NLGN4X: variants seen among roughly 807,000 people sequenced by gnomAD.
NLGN4X encodes the protein neuroligin-4, X-linked.
In NLGN4X, 3 loss-of-function variants were observed where a neutral mutation model predicts 40.3. The ratio of observed to expected loss-of-function variants is 0.07; its 90% confidence interval spans 0.03 to 0.19. The LOEUF (loss-of-function observed/expected upper bound fraction) is 0.19. Among genes scored for constraint, NLGN4X ranks in the 10% least tolerant of loss-of-function variants. The probability of loss-of-function intolerance (pLI) is 1.00; values close to 1 mark genes in which losing one functional copy is unlikely to be tolerated. For missense variants in NLGN4X, 382 were observed against 708.3 expected (o/e 0.54, Z 5.23); for synonymous variants, 270 against 306.8 (o/e 0.88, Z 1.25).
At chrX:5,968,095 G>A (rs752354429) in intron 3 of NLGN4X, among the ~76,000 whole-genome samples, 10 of 111,053 alleles carry the variant, frequency 9.0e-5, no homozygotes, top group African/African-American at 2.3e-4. Context: ...CAAGCTAAGC[G>A]GCTGATCAAT....
intron 2 of NLGN4X, among the ~76,000 whole-genome samples, chrX:6,062,257 T>C (rs1383136794): frequency 9.0e-6 from 1 of 111,299 alleles, no homozygotes; most frequent in African/African-American, 3.3e-5. Context: ...TCCACATCCA[T>C]ATAACTAGCA....
At position 6,070,697 on chromosome X, in the gene NLGN4X, A is replaced by G. The variant is rs1421025069; in HGVS notation, c.473-41265T>C. On this transcript the variant is annotated intron_variant, in intron 2 of 5. Transcript: ENST00000381095. The stretch of plus-strand genomic sequence containing the variant: ...AATACCCGAGACTGGGTAATTTAAG[A>G]AGGAAAGAGGTTTAATTGACCTCCG... Among the ~76,000 whole-genome samples the G allele has an allele frequency of 2.7e-5, 3 of 112,437 alleles. No individual in the cohort carries two copies. The East Asian group carries it at 8.4e-4, about 31-fold the overall frequency.
chrX:6,121,989 A>G (rs2147581511), intron 2 of NLGN4X, among the ~76,000 whole-genome samples: 1 of 112,816 alleles, frequency 8.9e-6, no homozygotes, highest in South Asian at 3.6e-4. Flanking sequence ...TATGGCAATG[A>G]AAAGAATCAG....
At chrX:6,068,499 G>A (rs1010615735) in intron 2 of NLGN4X, among the ~76,000 whole-genome samples, 10 of 111,732 alleles carry the variant, frequency 8.9e-5, no homozygotes, top group African/African-American at 3.3e-4. Flanking sequence ...GGCATGGGAG[G>A]AGGAGATAGG....
intron 3 of NLGN4X, among the ~76,000 whole-genome samples, chrX:5,934,538 A>G (rs939195395): frequency 2.7e-5 from 3 of 111,466 alleles, no homozygotes; most frequent in African/African-American, 6.5e-5. Context: ...TTAAAAATCT[A>G]TATGTTGTGA....
At chrX:6,212,924 T>C (rs984285842) in intron 1 of NLGN4X, among the ~76,000 whole-genome samples, 5 of 111,827 alleles carry the variant, frequency 4.5e-5, no homozygotes, top group Non-Finnish European at 9.4e-5. Context: ...ATATAAATGA[T>C]TGATTAAGTA....
chrX:6,145,792 C>T (rs1373794984), intron 2 of NLGN4X, among the ~76,000 whole-genome samples: 1 of 110,656 alleles, frequency 9.0e-6, no homozygotes, highest in African/African-American at 3.3e-5. Context: ...GCTTGTCTAC[C>T]CTAGAAAGTA....
Position 6,087,738 on chromosome X carries a change from T to C in NLGN4X, c.473-58306A>G, listed in dbSNP as rs573942580. Among the ~76,000 whole-genome samples the C allele has an allele frequency of 4.9e-4, 55 of 111,833 alleles. No homozygotes were observed. In the Middle Eastern group the frequency reaches 0.018, roughly 37 times the overall value. ...AACTGTGAGAGTGCTCATTTTTCCA[T>C]GCCCAAAGATAACTGAACTGAGTTT... On this transcript the variant is annotated intron_variant, in intron 2 of 5. Coordinates refer to ENST00000381095, the MANE Select transcript of NLGN4X (RefSeq NM_181332.3).
intron 2 of NLGN4X, among the ~76,000 whole-genome samples, chrX:6,046,595 A>G (rs1170515482): frequency 9.0e-6 from 1 of 111,399 alleles, no homozygotes; most frequent in African/African-American, 3.2e-5. Context: ...TTGTGAACCA[A>G]TGTATATTTA....
intron 3 of NLGN4X, among the ~76,000 whole-genome samples, chrX:5,970,935 A>G (rs1236122289): frequency 9.0e-6 from 1 of 111,549 alleles, no homozygotes; most frequent in Non-Finnish European, 1.9e-5. Flanking sequence ...AACTTCTCTT[A>G]TAATATGGAA....
intron 2 of NLGN4X, among the ~76,000 whole-genome samples, chrX:6,063,020 T>C (rs1019524246): frequency 1.6e-4 from 18 of 111,139 alleles, no homozygotes; most frequent in Non-Finnish European, 5.7e-5. Flanking sequence ...TATATCATCA[T>C]GGCTTTTTCC....
intron 3 of NLGN4X, among the ~76,000 whole-genome samples, chrX:5,990,943 G>A (rs1379363137): frequency 1.8e-5 from 2 of 112,172 alleles, no homozygotes; most frequent in Non-Finnish European, 3.8e-5. Flanking sequence ...CTTCAGCCTT[G>A]CACCACGCAA....
intron 2 of NLGN4X, among the ~76,000 whole-genome samples, chrX:6,116,391 CTTTTTTTT>C (rs1157468420): frequency 4.5e-5 from 1 of 22,279 alleles, no homozygotes; most frequent in Non-Finnish European, 7.5e-5. Flanking sequence ...ACCTTTCTTT[CTTTTTTTT>C]TTTTTTTTTT....
intron 3 of NLGN4X, among the ~76,000 whole-genome samples, chrX:5,934,116 T>C (rs1243522663): frequency 1.8e-5 from 2 of 111,824 alleles, no homozygotes; most frequent in Non-Finnish European, 3.8e-5. Context: ...TTGACTTCTT[T>C]AGATTCCACA....
intron 5 of NLGN4X, among the ~76,000 whole-genome samples, chrX:5,895,452 G>GTATATCTGAT (rs2146694034): frequency 9.0e-6 from 1 of 111,494 alleles, no homozygotes; most frequent in Non-Finnish European, 1.9e-5. Flanking sequence ...CTGTATATCA[G>GTATATCTGAT]AGTACATACT....
chrX:6,187,348 C>T (rs1398142642), intron 1 of NLGN4X: 1 of 107,583 alleles, frequency 9.3e-6, no homozygotes, highest in South Asian at 4.2e-4. Context: ...AAGCGAGCGC[C>T]CGTAGCCCCA....
chrX:5,902,534 T>C (rs2031931211), intron 5 of NLGN4X, among the ~76,000 whole-genome samples: 1 of 104,351 alleles, frequency 9.6e-6, no homozygotes, highest in South Asian at 4.3e-4. Context: ...AAAAAAAAAT[T>C]AAAAATTAGC....
intron 3 of NLGN4X, among the ~76,000 whole-genome samples, chrX:5,985,503 T>C (rs1333801429): frequency 9.0e-6 from 1 of 110,973 alleles, no homozygotes; most frequent in Non-Finnish European, 1.9e-5. Flanking sequence ...AGGCTGGTCT[T>C]GAACTCCTGG....
At chrX:5,973,348 C>T in intron 3 of NLGN4X, among the ~76,000 whole-genome samples, 1 of 112,654 alleles carries the variant, frequency 8.9e-6, no homozygotes, top group Non-Finnish European at 1.9e-5. Context: ...CTCACATTTA[C>T]TATCTGGTCC....
Sources: allele counts gnomAD v4.1 joint callset (sites outside exome capture counted in the v4.1 genomes callset), GRCh38; gene constraint gnomAD v4.1.1; transcripts MANE v1.5; gene names NCBI Gene and HGNC (gene_info 2026-07-23, HGNC 2026-07-21).